Variants in FAF1 observed in about 807,000 individuals in gnomAD.
FAF1 encodes Fas associated factor 1, also known as FAS-associated factor 1.
FAF1 carries 25 observed loss-of-function variants against 92.5 expected under a neutral mutation model. The observed-to-expected ratio is 0.27, with a 90% CI of 0.20 to 0.38. The LOEUF is 0.38. Ranked by LOEUF, FAF1 falls within the 10% of genes least tolerant of loss-of-function variation. FAF1 has a pLI of 1.00. For synonymous variants in FAF1, 234 were observed against 273.2 expected (o/e 0.86, Z 1.42); for missense variants, 636 against 793.3 (o/e 0.80, Z 2.38).
intron 7 of FAF1, among the ~76,000 whole-genome samples, chr1:50,663,400 T>A (rs143013782): frequency 3.7e-4 from 55 of 150,598 alleles, no homozygotes; most frequent in South Asian, 1.9e-3. Flanking sequence ...TGCTTTTTTT[T>A]AAATTTTAAT....
chr1:50,723,411 A>AT (rs1658496642), intron 6 of FAF1, among the ~76,000 whole-genome samples: 1 of 152,030 alleles, frequency 6.6e-6, no homozygotes, highest in African/African-American at 2.4e-5. Flanking sequence ...AAAAAAAAAA[A>AT]AAATAAGTAG....
chr1:50,709,388 T>G (rs985484696), intron 6 of FAF1, among the ~76,000 whole-genome samples: 5 of 152,222 alleles, frequency 3.3e-5, no homozygotes, highest in African/African-American at 1.2e-4. Flanking sequence ...ACTGATTACT[T>G]ATCAGTATAT....
chr1:50,872,498 T>A (rs1644536661), intron 1 of FAF1, among the ~76,000 whole-genome samples: 1 of 152,200 alleles, frequency 6.6e-6, no homozygotes, highest in Non-Finnish European at 1.5e-5. Context: ...ACTGTTGAAA[T>A]GTAAACAAAG....
chr1:50,917,943 A>G (rs1197395929), intron 1 of FAF1, among the ~76,000 whole-genome samples: 3 of 152,210 alleles, frequency 2.0e-5, no homozygotes, highest in East Asian at 3.9e-4. Flanking sequence ...ATGAAGTCCA[A>G]TAACAGGCAA....
At chr1:50,731,142 C>G (rs1658896687) in intron 6 of FAF1, among the ~76,000 whole-genome samples, 1 of 152,112 alleles carries the variant, frequency 6.6e-6, no homozygotes, top group Admixed American at 6.5e-5. Context: ...AAGACATCTA[C>G]CAGTATAAAC....
At chr1:50,884,875 T>C (rs1457258391) in intron 1 of FAF1, among the ~76,000 whole-genome samples, 1 of 152,194 alleles carries the variant, frequency 6.6e-6, no homozygotes, top group Non-Finnish European at 1.5e-5. Flanking sequence ...TATAGTAGAA[T>C]TTAGCAGTTG....
chr1:50,931,803 G>A (rs932641657), intron 1 of FAF1, among the ~76,000 whole-genome samples: 2 of 151,664 alleles, frequency 1.3e-5, no homozygotes, highest in African/African-American at 4.8e-5. Flanking sequence ...GAACCAGGGA[G>A]GCAGAGCTTG....
At position 50,706,733 on chromosome 1, in the gene FAF1, T is replaced by C. The variant is rs996128681; in HGVS notation, c.552-842A>G. On this transcript the variant is annotated intron_variant, in intron 6 of 18. Transcript: ENST00000396153. ...ATATTATTTTCATCAGTATTGAAAA[T>C]AAAGACCTATCATCAGTATGCCTGA... Among the ~76,000 whole-genome samples the C allele has an allele frequency of 2.6e-5, 4 of 152,192 alleles. No homozygotes were observed. The East Asian group carries it at 7.7e-4, about 29-fold the overall frequency.
intron 15 of FAF1, among the ~76,000 whole-genome samples, chr1:50,519,901 A>ACTC (rs1478320877): frequency 6.6e-6 from 1 of 152,198 alleles, no homozygotes; most frequent in Non-Finnish European, 1.5e-5. Flanking sequence ...CTAACACCCT[A>ACTC]CATGTATCTC....
intron 7 of FAF1, among the ~76,000 whole-genome samples, chr1:50,698,719 TTATATCCCTCCTCACCC>T (rs1657336964): frequency 6.6e-6 from 1 of 152,144 alleles, no homozygotes; most frequent in African/African-American, 2.4e-5. Context: ...GGAATTCTCC[TTATATCCCTCCTCACCC>T]TATAACTTAC....
chr1:50,893,582 G>T (rs1463441141), intron 1 of FAF1, among the ~76,000 whole-genome samples: 1 of 152,160 alleles, frequency 6.6e-6, no homozygotes, highest in Admixed American at 6.6e-5. Context: ...GGAGCTGGGG[G>T]TGGGGTGACA....
At chr1:50,728,315 T>C (rs1331006368) in intron 6 of FAF1, among the ~76,000 whole-genome samples, 1 of 152,140 alleles carries the variant, frequency 6.6e-6, no homozygotes, top group African/African-American at 2.4e-5. Context: ...TAGCAAAATA[T>C]AAATGCTCTA....
At chr1:50,547,985 G>A (rs17106278) in intron 13 of FAF1, among the ~76,000 whole-genome samples, 5,702 of 152,184 alleles carry the variant, frequency 0.037, 349 homozygotes, top group African/African-American at 0.13. Context: ...TCTTAGGAGG[G>A]ATAATAGAGA....
In FAF1 at chr1:50,725,740, G is replaced by A. The variant is rs565647200; in HGVS notation, c.551+13123C>T. Among the ~76,000 whole-genome samples the A allele has an allele frequency of 3.3e-5, 5 of 152,266 alleles. No individual in the cohort carries two copies. The East Asian group carries it at 9.7e-4, about 29-fold the overall frequency. ...TAAAGTGCTGGGATTATAGGCGTGA[G>A]CCACCACACCTGGCCAAAAAGCCAT... On this transcript the variant is annotated intron_variant, in intron 6 of 18. Coordinates refer to ENST00000396153, the MANE Select transcript of FAF1 (RefSeq NM_007051.3).
chr1:50,805,329 A>G (rs756629366), intron 2 of FAF1, among the ~76,000 whole-genome samples: 1 of 152,196 alleles, frequency 6.6e-6, no homozygotes, highest in Non-Finnish European at 1.5e-5. Flanking sequence ...ATGTACCTCA[A>G]TCAAAATCCA....
chr1:50,728,509 G>C (rs1425797681), intron 6 of FAF1, among the ~76,000 whole-genome samples: 2 of 152,012 alleles, frequency 1.3e-5, no homozygotes, highest in Non-Finnish European at 2.9e-5. Flanking sequence ...TAGTGGAGAG[G>C]GCCAGGCACA....
intron 7 of FAF1, among the ~76,000 whole-genome samples, chr1:50,675,890 CAGAGGCA>C (rs1656096726): frequency 6.6e-6 from 1 of 152,142 alleles, no homozygotes; most frequent in Non-Finnish European, 1.5e-5. Flanking sequence ...TATTGAGTAG[CAGAGGCA>C]CTGGTCCAGG....
At chr1:50,938,752 T>C (rs1369429579) in intron 1 of FAF1, among the ~76,000 whole-genome samples, 1 of 152,238 alleles carries the variant, frequency 6.6e-6, no homozygotes, top group African/African-American at 2.4e-5. Context: ...TTAATTCTCA[T>C]ATATGGTGAA....
At chr1:50,687,329 A>C (rs1022370243) in intron 7 of FAF1, among the ~76,000 whole-genome samples, 7 of 151,240 alleles carry the variant, frequency 4.6e-5, no homozygotes, top group African/African-American at 1.5e-4. Flanking sequence ...CAACCACCTT[A>C]ACCAATTCCA....
Sources: gnomAD v4.1 joint callset for allele counts (sites outside exome capture counted in the v4.1 genomes callset) on GRCh38, gnomAD v4.1.1 for gene constraint, MANE v1.5 for transcripts, NCBI Gene and HGNC (gene_info 2026-07-23, HGNC 2026-07-21) for gene names.